The following IGFALS variants were observed in gnomAD, a reference collection of about 807,000 sequenced individuals.
IGFALS encodes the protein insulin like growth factor binding protein acid labile subunit.
A neutral mutation model predicts 2.6 loss-of-function variants in IGFALS; 2 were observed. The ratio of observed to expected loss-of-function variants is 0.77; its 90% CI spans 0.32 to 2.44. IGFALS has a LOEUF of 2.44. Ranked by LOEUF, IGFALS falls within the 30% of genes most tolerant of loss-of-function variation. IGFALS has a pLI of 0.11. For synonymous variants in IGFALS, 519 were observed against 431.9 expected (o/e 1.20, Z -2.50); for missense variants, 996 against 848.7 (o/e 1.17, Z -2.16).
chr16:1,791,679 G>C lies in IGFALS; in HGVS notation c.739C>G (p.Leu247Val). ...GCGATGAGGTTGCGGTCCAGGTAGA[G>C]TTTCTGGAGCCGGGGCAGCTGCACG... is the stretch of plus-strand genomic sequence containing the variant. Reference protein sequence around the residue: ...VFVQLPRLQKLYLDRNLIAAV... With the variant: ...VFVQLPRLQKVYLDRNLIAAV... Residue 247 changes from leucine (L) to valine (V), a missense_variant, in exon 2 of 2, where the codon CTC becomes GTC. By Grantham distance (32) the Leu-to-Val change is conservative. Coordinates refer to ENST00000215539, the MANE Select transcript of IGFALS (RefSeq NM_004970.3). 1.9e-6 allele frequency: 3 copies of C among 1,582,280 alleles called. No homozygotes were observed. Among genetic ancestry groups the C allele is most frequent in the East Asian group, 2.3e-5 (1 of 43,164 alleles).
rs767006165 is a variant in IGFALS at position 1,790,676 on chromosome 16, ATGT to A, written c.1739_1741del (p.Asn580del). 6.9e-5 allele frequency: 111 copies of A among 1,605,642 alleles called. No homozygotes were observed. The East Asian group carries it at 9.4e-4, about 14-fold the overall frequency. On this transcript the variant is annotated inframe_deletion, in exon 2 of 2. Transcript: ENST00000215539. ...GACCTCGGGCGGGCTGGCACAGGTG[ATGT>A]TGTTGTAGGTGTACGCGGGCGGCTG...
intron 1 of IGFALS, among the ~76,000 whole-genome samples, 198 bp downstream of exon 1, chr16:1,793,439 G>A (rs1343361142): frequency 6.6e-6 from 1 of 152,082 alleles, no homozygotes; most frequent in Non-Finnish European, 1.5e-5. Context: ...AGAGACCCCT[G>A]GTGCCAGGCA....
At position 1,790,987 on chromosome 16, in the gene IGFALS, G is replaced by A. The variant is rs1897209597; in HGVS notation, c.1431C>T (p.Ala477=). Residue 477 remains alanine (A), a synonymous_variant, in exon 2 of 2, where the codon GCC becomes GCT. Coordinates refer to ENST00000215539, the MANE Select transcript of IGFALS (RefSeq NM_004970.3). ...AGAAGGCCCGCTGCAGGGGGCCCAG[G>A]GCGTCCGCCGGCAGCTCTGCCAGGC... ...RNRLAELPAD[A]LGPLQRAFWL... is the part of the protein sequence containing the mutation. The A allele has an allele frequency of 1.3e-6, 2 of 1,597,126 alleles. No homozygotes were observed. The highest frequency in any genetic ancestry group is 2.7e-5 in the African/African-American group (2 of 75,010).
At position 1,790,577 on chromosome 16, in the gene IGFALS, G is replaced by A. The variant is rs746231566; in HGVS notation, c.*23C>T. On this transcript the variant is annotated 3_prime_UTR_variant, in exon 2 of 2. Transcript: ENST00000215539. ...GTGAGCCAGGTGGGGGCCTGAGTCC[G>A]GGGCTTGAGTCCGGGGACCTGGTCA... 2.2e-5 allele frequency: 34 copies of A among 1,548,152 alleles called. 1 individual carries two copies. The Middle Eastern group carries it at 5.5e-4, about 25-fold the overall frequency.
chr16:1,790,923 T>G lies in IGFALS; in HGVS notation c.1495A>C (p.Asn499His), dbSNP rs906996079. The G allele has an allele frequency of 6.3e-7, 1 of 1,591,814 alleles. No homozygotes were observed. Among genetic ancestry groups the G allele is most frequent in the African/African-American group, 1.3e-5 (1 of 74,692 alleles). Residue 499 changes from asparagine (N) to histidine (H), a missense_variant, in exon 2 of 2, where the codon AAC becomes CAC. Asn to His is a moderately conservative substitution (Grantham distance 68). Transcript: ENST00000215539. ...CGCCCCAGTGGTGCCAAGAGGCTGT[T>G]GGGCAATGCCTCCAGGCGGTTGTGC... ...VSHNRLEALP[N>H]SLLAPLGRLR...
In IGFALS at chr16:1,792,314, T is replaced by TC. The variant is rs587776686; in HGVS notation, c.103dup (p.Glu35GlyfsTer17). ...GGCCGGGCACGCTGGGCCCTCGGCT[T>TC]CCCCCGGCGTTCCGGGGTCTGCTCC... is the stretch of plus-strand genomic sequence containing the variant. On this transcript the variant is annotated frameshift_variant, in exon 2 of 2. Coordinates refer to ENST00000215539, the MANE Select transcript of IGFALS (RefSeq NM_004970.3). LOFTEE classifies it low-confidence loss of function (END_TRUNC). 1.3e-5 allele frequency: 21 copies of TC among 1,597,134 alleles called. No homozygotes were observed. In the Admixed American group the frequency reaches 3.0e-4, roughly 23 times the overall value.
upstream of IGFALS, chr16:1,794,798 A>G (rs1458581105): frequency 2.9e-6 from 2 of 699,508 alleles, no homozygotes; most frequent in African/African-American, 3.5e-5. Flanking sequence ...GGGAGACCAC[A>G]GTTTTCCAGG....
At position 1,793,630 on chromosome 16, in the gene IGFALS, G is replaced by A. The variant is rs778722645; in HGVS notation, c.16+7C>T. 6.9e-6 allele frequency: 11 copies of A among 1,595,896 alleles called. No homozygotes were observed. The highest frequency in any genetic ancestry group is 4.5e-5 in the East Asian group (2 of 44,148). On this transcript the variant is annotated splice_region_variant and intron_variant, in intron 1 of 1. Transcript: ENST00000215539. The stretch of plus-strand genomic sequence containing the variant: ...AGAGTGGGTGGCGGGGCACTCGGGG[G>A]CCTCACCTTTCCTCAGGGCCATCCT...
Position 1,790,660 on chromosome 16 carries a change from C to A in IGFALS, c.1758G>T (p.Pro586=). 6.3e-7 allele frequency: 1 copy of A among 1,599,328 alleles called. No homozygotes were observed. The change falls in exon 2 of 2, where the codon CCG becomes CCT. Residue 586 remains proline, a synonymous_variant. Transcript: ENST00000215539. The part of the protein sequence containing the change: ...YTYNNITCAS[P]PEVVGLDLRD... ...GCAGGTCGAGCCCCACGACCTCGGGCGGGCTGGCACAGGTGATGTTGTTGT... is the reference window on the plus strand; with the variant it reads ...GCAGGTCGAGCCCCACGACCTCGGGAGGGCTGGCACAGGTGATGTTGTTGT...
chr16:1,790,492 C>G lies in IGFALS; in HGVS notation c.*108G>C. The G allele has an allele frequency of 1.0e-6, 1 of 984,406 alleles. No homozygotes were observed. Among genetic ancestry groups the G allele is most frequent in the East Asian group, 2.6e-5 (1 of 38,366 alleles). 61.0% of individuals were successfully genotyped at this position (984,406 alleles called of 1,614,324 possible). A position where few individuals can be genotyped will look rare whatever the true frequency, so the allele number is the denominator to read the frequency against. ...CTTCCACCCCATCAGGCCCTTGCGTCTTCCAGCAAGTGCACTGGGCAGGCC... is the reference window on the plus strand; with the variant it reads ...CTTCCACCCCATCAGGCCCTTGCGTGTTCCAGCAAGTGCACTGGGCAGGCC... On this transcript the variant is annotated 3_prime_UTR_variant, in exon 2 of 2. Transcript: ENST00000215539.
Position 1,792,389 on chromosome 16 carries a change from A to C in IGFALS, c.29T>G (p.Leu10Arg), listed in dbSNP as rs1294644885. 2 of 1,573,308 alleles carry C rather than the reference A, an allele frequency of 1.3e-6. No homozygotes were observed. Among genetic ancestry groups the C allele is most frequent in the Admixed American group, 3.4e-5 (2 of 58,154 alleles). MALRKGGLA[L>R]ALLLLSWVAL... ...CACCCAGGACAGCAGCAGCAGCGCC[A>C]GGGCCAGGCCTCCTGCGGGGGGAGA... The change falls in exon 2 of 2, where the codon CTG becomes CGG. Residue 10 changes from leucine (L) to arginine (R), a missense_variant. By Grantham distance (102) the Leu-to-Arg change is moderately radical. Coordinates refer to ENST00000215539, the MANE Select transcript of IGFALS (RefSeq NM_004970.3).
rs1167707316 is a variant in IGFALS, at chr16:1,791,066, T to G, written c.1352A>C (p.His451Pro). The G allele has an allele frequency of 1.9e-6, 3 of 1,598,666 alleles. No homozygotes were observed. Among genetic ancestry groups the G allele is most frequent in the Non-Finnish European group, 1.7e-6 (2 of 1,179,722 alleles). The stretch of plus-strand genomic sequence containing the variant: ...CTTGCCCAGGCCCTGGAAGAGGCGG[T>G]GGGGCAGGTGCGTGAGCTGGTTGGA... Reference protein sequence around the residue: ...LTSNQLTHLPHRLFQGLGKLE... With the variant: ...LTSNQLTHLPPRLFQGLGKLE... The change falls in exon 2 of 2, where the codon CAC (histidine) becomes CCC (proline). Residue 451 changes from histidine (H) to proline (P), a missense_variant. Transcript: ENST00000215539.
In IGFALS at chr16:1,791,961, G is replaced by C. The variant is rs1435095863; in HGVS notation, c.457C>G (p.Leu153Val). 4 of 1,597,592 alleles carry C rather than the reference G, an allele frequency of 2.5e-6. No homozygotes were observed. The highest frequency in any genetic ancestry group is 1.7e-5 in the Admixed American group (1 of 58,188). Residue 153 changes from leucine to valine, a missense_variant, in exon 2 of 2, where the codon CTC becomes GTC. Leu to Val is a conservative substitution (Grantham distance 32). Coordinates refer to ENST00000215539, the MANE Select transcript of IGFALS (RefSeq NM_004970.3). ...AGCCTGCTCAGACGGTTGTTGCTGA[G>C]GCCGAGCGAGGCCAGCGCGGGCGTG... Reference protein sequence around the residue: ...AHTPALASLGLSNNRLSRLED... With the variant: ...AHTPALASLGVSNNRLSRLED...
Position 1,792,401 on chromosome 16 carries a change from C to T in IGFALS, c.17G>A (p.Gly6Glu), listed in dbSNP as rs1454639067. The T allele has an allele frequency of 1.3e-6, 2 of 1,562,842 alleles. No homozygotes were observed. Among genetic ancestry groups the T allele is most frequent in the East Asian group, 4.5e-5 (2 of 44,268 alleles). The change falls in exon 2 of 2, where the codon GGA becomes GAA. Residue 6 changes from glycine (G) to glutamate (E), a missense_variant and splice_region_variant. Physicochemically the swap from Gly to Glu is moderately conservative, Grantham distance 98 (BLOSUM62 -2). Transcript: ENST00000215539. MALRK[G>E]GLALALLLLS... Reference sequence around the variant, plus strand: ...CAGCAGCAGCGCCAGGGCCAGGCCTCCTGCGGGGGGAGAGGCTTGGGGAGG... The same window carrying T: ...CAGCAGCAGCGCCAGGGCCAGGCCTTCTGCGGGGGGAGAGGCTTGGGGAGG...
At position 1,791,667 on chromosome 16, in the gene IGFALS, G is replaced by A. The variant is rs141404750; in HGVS notation, c.751C>T (p.Arg251Cys). 36 of 1,583,100 alleles carry A rather than the reference G, an allele frequency of 2.3e-5. No homozygotes were observed. Among genetic ancestry groups the A allele is most frequent in the African/African-American group, 1.9e-4 (14 of 74,406 alleles). Residue 251 changes from arginine to cysteine, a missense_variant, in exon 2 of 2, where the codon CGC becomes TGC. Transcript: ENST00000215539. ...GGGGCCACGGCAGCGATGAGGTTGC[G>A]GTCCAGGTAGAGTTTCTGGAGCCGG... ...LPRLQKLYLD[R>C]NLIAAVAPGA...
At chr16:1,793,584 G>A in intron 1 of IGFALS, 53 bp downstream of exon 1, 2 of 1,565,904 alleles carry the variant, frequency 1.3e-6, no homozygotes, top group Non-Finnish European at 1.7e-6. Flanking sequence ...GCGGGCTCAG[G>A]GTCACAGACT....
rs769548445 is a variant in IGFALS, at chr16:1,792,317, C to T, written c.101G>A (p.Gly34Glu). 6.3e-7 allele frequency: 1 copy of T among 1,596,888 alleles called. No individual in the cohort carries two copies. The highest frequency in any genetic ancestry group is 1.3e-5 in the African/African-American group (1 of 74,864). Residue 34 changes from glycine (G) to glutamate (E), a missense_variant, in exon 2 of 2, where the codon GGG (glycine) becomes GAG (glutamate). Transcript: ENST00000215539. ...CGGGCACGCTGGGCCCTCGGCTTCC[C>T]CCGGCGTTCCGGGGTCTGCTCCCTC... ...SLEGADPGTP[G>E]EAEGPACPAA...
In IGFALS at chr16:1,793,625, C is replaced by T. The variant is rs1229980589; in HGVS notation, c.16+12G>A. On this transcript the variant is annotated intron_variant, in intron 1 of 1. Transcript: ENST00000215539. ...CCCCTAGAGTGGGTGGCGGGGCACT[C>T]GGGGGCCTCACCTTTCCTCAGGGCC... 1.8e-5 allele frequency: 29 copies of T among 1,594,490 alleles called. No homozygotes were observed. Among genetic ancestry groups the T allele is most frequent in the African/African-American group, 1.2e-4 (9 of 74,414 alleles).
rs776108311 is a variant in IGFALS, at chr16:1,791,374, G to A, written c.1044C>T (p.Asn348=). The change falls in exon 2 of 2, where the codon AAC becomes AAT. Residue 348 remains asparagine, a synonymous_variant. Coordinates refer to ENST00000215539, the MANE Select transcript of IGFALS (RefSeq NM_004970.3). ...CGCCCGCCTTGACCTCCTGGAGCTG[G>A]TTGTGGTCTAGCGTGAGCACCTCAA... ...GQLEVLTLDH[N]QLQEVKAGAF... 1.9e-6 allele frequency: 3 copies of A among 1,609,556 alleles called. No homozygotes were observed. The highest frequency in any genetic ancestry group is 2.5e-6 in the Non-Finnish European group (3 of 1,179,964).
Sources: gnomAD v4.1 joint callset for allele counts (sites outside exome capture counted in the v4.1 genomes callset) on GRCh38, gnomAD v4.1.1 for gene constraint, MANE v1.5 for transcripts, NCBI Gene and HGNC (gene_info 2026-07-23, HGNC 2026-07-21) for gene names.